Variants in NOS1AP observed in about 807,000 individuals in gnomAD.
The protein encoded by NOS1AP is carboxyl-terminal PDZ ligand of neuronal nitric oxide synthase protein.
Under a neutral mutation model 56.2 loss-of-function variants are expected in NOS1AP, and 21 were observed. The ratio of observed to expected loss-of-function variants is 0.37; its 90% CI spans 0.26 to 0.54. The LOEUF (loss-of-function observed/expected upper bound fraction) is 0.54, where lower values mean the gene tolerates loss of function less well. NOS1AP is among the 20% of genes least tolerant of loss of function. The pLI, the probability that NOS1AP is intolerant of heterozygous loss-of-function variation, is 0.84. For missense variants in NOS1AP, 522 were observed against 657.8 expected, an observed-to-expected ratio of 0.79 and a Z score of 2.26; for synonymous variants, 270 against 274.6, an observed-to-expected ratio of 0.98 and a Z score of 0.17.
chr1:162,147,665 T>TA (rs1213305999), intron 1 of NOS1AP, among the ~76,000 whole-genome samples: 2 of 152,208 alleles, frequency 1.3e-5, no homozygotes, highest in Non-Finnish European at 2.9e-5. Flanking sequence ...CAGAAACTTA[T>TA]AAAAAAATTT....
At chr1:162,366,864 G>C (rs1275134234) in intron 9 of NOS1AP, 188 bp from the exon 10 acceptor site, 2 of 682,604 alleles carry the variant, frequency 2.9e-6, no homozygotes, top group Non-Finnish European at 5.3e-6. Flanking sequence ...CCCCTCCAGC[G>C]AGGTGTGTCT....
intron 2 of NOS1AP, among the ~76,000 whole-genome samples, chr1:162,191,652 TCTCTTC>T (rs912985805): frequency 1.8e-4 from 27 of 152,240 alleles, no homozygotes; most frequent in East Asian, 3.9e-4. Flanking sequence ...CTGGCTACAT[TCTCTTC>T]CTCTTCCTCT....
At chr1:162,221,841 GTT>G (rs1652792718) in intron 2 of NOS1AP, among the ~76,000 whole-genome samples, 2 of 152,028 alleles carry the variant, frequency 1.3e-5, no homozygotes, top group African/African-American at 4.8e-5. Flanking sequence ...TCTATAGCTT[GTT>G]TTCTTTTTAC....
chr1:162,173,904 A>G lies in NOS1AP; in HGVS notation c.177+19428A>G, dbSNP rs572101626. On this transcript the variant is annotated intron_variant, in intron 2 of 9. Coordinates refer to ENST00000361897, the MANE Select transcript of NOS1AP (RefSeq NM_014697.3). ...GAATGGCAATCATTAAAAAGTCAGG[A>G]AACAACAGGTGCTAGAGAGGATGTG... 1.5e-3 allele frequency among the ~76,000 whole-genome samples: 223 copies of G among 152,302 alleles called. 1 individual carries two copies. The highest frequency in any genetic ancestry group is 2.4e-3 in the Non-Finnish European group (164 of 68,030).
chr1:162,254,125 T>A (rs1351276331), intron 2 of NOS1AP, among the ~76,000 whole-genome samples: 1 of 152,228 alleles, frequency 6.6e-6, no homozygotes, highest in Non-Finnish European at 1.5e-5. Flanking sequence ...TTTGTATCTT[T>A]GTCTCTAAAT....
At chr1:162,104,102 T>C (rs542158352) in intron 1 of NOS1AP, among the ~76,000 whole-genome samples, 4 of 152,346 alleles carry the variant, frequency 2.6e-5, no homozygotes, top group South Asian at 4.1e-4. Flanking sequence ...GGTAGGTCTG[T>C]TGGTGACAAA....
intron 1 of NOS1AP, among the ~76,000 whole-genome samples, chr1:162,109,294 A>G (rs1355006011): frequency 1.3e-5 from 2 of 152,210 alleles, no homozygotes; most frequent in East Asian, 3.8e-4. Context: ...GTGTTTAACA[A>G]TTTTGAGACA....
intron 4 of NOS1AP, among the ~76,000 whole-genome samples, chr1:162,330,669 A>C (rs1656736974): frequency 6.6e-6 from 1 of 152,174 alleles, no homozygotes; most frequent in African/African-American, 2.4e-5. Flanking sequence ...GAGGAAAATG[A>C]TGGGATGTAA....
chr1:162,124,248 A>G (rs1648380962), intron 1 of NOS1AP, among the ~76,000 whole-genome samples: 1 of 152,040 alleles, frequency 6.6e-6, no homozygotes, highest in South Asian at 2.1e-4. Flanking sequence ...CATCGTACTC[A>G]CTAGGTAGTT....
intron 1 of NOS1AP, among the ~76,000 whole-genome samples, chr1:162,150,752 GT>G (rs1455820753): frequency 6.6e-6 from 1 of 152,118 alleles, no homozygotes; most frequent in African/African-American, 2.4e-5. Context: ...CCATTTGTGT[GT>G]TTTCTTTTGA....
chr1:162,143,763 A>G (rs965787274), intron 1 of NOS1AP, among the ~76,000 whole-genome samples: 2 of 152,158 alleles, frequency 1.3e-5, no homozygotes, highest in Admixed American at 6.5e-5. Flanking sequence ...TGTCTGGCCC[A>G]TCTAATTTTG....
At chr1:162,280,769 A>G (rs1200776937) in intron 2 of NOS1AP, among the ~76,000 whole-genome samples, 2 of 152,254 alleles carry the variant, frequency 1.3e-5, no homozygotes, top group Non-Finnish European at 2.9e-5. Flanking sequence ...TATTGCAAAA[A>G]TAAGTCATGC....
rs368239801 is a variant in NOS1AP, at chr1:162,266,436, G to A, written c.178-20908G>A. ...GGTATTCAGGAAGGGTTAGGTGTTAGATGGATGTGGCAGTCCATAACCATG... is the reference window on the plus strand; with the variant it reads ...GGTATTCAGGAAGGGTTAGGTGTTAAATGGATGTGGCAGTCCATAACCATG... On this transcript the variant is annotated intron_variant, in intron 2 of 9. Transcript: ENST00000361897. Among the ~76,000 whole-genome samples the A allele has an allele frequency of 1.8e-4, 27 of 152,356 alleles. No homozygotes were observed. The East Asian group carries it at 5.2e-3, about 29-fold the overall frequency.
chr1:162,304,647 C>CT (rs1655762105), intron 4 of NOS1AP, among the ~76,000 whole-genome samples: 1 of 152,066 alleles, frequency 6.6e-6, no homozygotes, highest in South Asian at 2.1e-4. Flanking sequence ...TCTTTCTAGT[C>CT]TATCAAAATT....
intron 3 of NOS1AP, among the ~76,000 whole-genome samples, chr1:162,296,845 C>T (rs1472482694): frequency 2.0e-5 from 3 of 152,176 alleles, no homozygotes; most frequent in Non-Finnish European, 4.4e-5. Context: ...TGCATCCTCT[C>T]CCTCAGTGTT....
At chr1:162,251,051 C>G (rs757669483) in intron 2 of NOS1AP, among the ~76,000 whole-genome samples, 45 of 147,004 alleles carry the variant, frequency 3.1e-4, no homozygotes, top group Non-Finnish European at 5.6e-4. Context: ...CTGCTGTGCC[C>G]TCTGTCCTGA....
At chr1:162,203,585 C>G (rs1652060996) in intron 2 of NOS1AP, among the ~76,000 whole-genome samples, 1 of 152,172 alleles carries the variant, frequency 6.6e-6, no homozygotes, top group South Asian at 2.1e-4. Context: ...TTTGCAGACT[C>G]CATCCCAAGA....
chr1:162,163,384 T>C (rs1571082453), intron 2 of NOS1AP, among the ~76,000 whole-genome samples: 2 of 152,218 alleles, frequency 1.3e-5, no homozygotes, highest in South Asian at 2.1e-4. Flanking sequence ...TAAAGAGCAG[T>C]GCCCAGACAG....
chr1:162,357,192 C>A, intron 8 of NOS1AP, 56 bp downstream of exon 8: 4 of 1,579,294 alleles, frequency 2.5e-6, no homozygotes, highest in Non-Finnish European at 3.4e-6. Flanking sequence ...GCTTGATGCA[C>A]CTTCCCTAGC....
Sources: gnomAD v4.1 joint callset for allele counts (sites outside exome capture counted in the v4.1 genomes callset) on GRCh38, gnomAD v4.1.1 for gene constraint, MANE v1.5 for transcripts, NCBI Gene and HGNC (gene_info 2026-07-23, HGNC 2026-07-21) for gene names.